ANP32B: variants seen among roughly 807,000 people sequenced by gnomAD.
The protein encoded by ANP32B is acidic leucine-rich nuclear phosphoprotein 32 family member B.
In ANP32B, 6 loss-of-function variants were observed where a neutral mutation model predicts 32.2. The ratio of observed to expected loss-of-function variants is 0.19; its 90% CI spans 0.10 to 0.37. ANP32B has a LOEUF of 0.37. ANP32B is among the 10% of genes least tolerant of loss of function. The probability of loss-of-function intolerance (pLI) is 1.00; values close to 1 mark genes in which losing one functional copy is unlikely to be tolerated. For missense variants in ANP32B, 204 were observed against 289.2 expected, an observed-to-expected ratio of 0.71 and a Z score of 2.14; for synonymous variants, 98 against 105.8, an observed-to-expected ratio of 0.93 and a Z score of 0.45.
At chr9:98,007,800 C>T (rs370449942) in intron 4 of ANP32B, among the ~76,000 whole-genome samples, 1 of 152,250 alleles carries the variant, frequency 6.6e-6, no homozygotes, top group African/African-American at 2.4e-5. Flanking sequence ...AAATTAACCA[C>T]ATTAAAGTAC....
chr9:98,008,167 CTCCATGTG>C (rs1405848339), intron 4 of ANP32B, among the ~76,000 whole-genome samples: 1 of 152,160 alleles, frequency 6.6e-6, no homozygotes, highest in Non-Finnish European at 1.5e-5. Context: ...TGTTGTTCCC[CTCCATGTG>C]TCCATGTATA....
intron 1 of ANP32B, among the ~76,000 whole-genome samples, chr9:97,990,813 C>T (rs1454339526): frequency 7.3e-6 from 1 of 136,688 alleles, no homozygotes; most frequent in Non-Finnish European, 1.6e-5. Flanking sequence ...TACAGTTGAA[C>T]CTTTTTTTTT....
At chr9:97,993,006 G>GC (rs1827853521) in intron 1 of ANP32B, among the ~76,000 whole-genome samples, 1 of 152,098 alleles carries the variant, frequency 6.6e-6, no homozygotes, top group Non-Finnish European at 1.5e-5. Flanking sequence ...TCAACCCCCG[G>GC]CATATGTCTC....
chr9:97,984,993 G>T (rs1827688468), intron 1 of ANP32B, among the ~76,000 whole-genome samples: 1 of 150,940 alleles, frequency 6.6e-6, no homozygotes, highest in South Asian at 2.1e-4. Context: ...GCGCGGCTGC[G>T]TGGGCGTGGG....
Position 97,985,916 on chromosome 9 carries a change from G to T in ANP32B, c.54+2307G>T, listed in dbSNP as rs1018842214. 4.6e-5 allele frequency among the ~76,000 whole-genome samples: 7 copies of T among 152,172 alleles called. No individual in the cohort carries two copies. The South Asian group carries it at 6.2e-4, about 14-fold the overall frequency. ...GGCTCACCTCAGCCTCCGCTTACCGGGTTCAAGCGATTCTCCTGCCTCAAC... is the reference window on the plus strand; with the variant it reads ...GGCTCACCTCAGCCTCCGCTTACCGTGTTCAAGCGATTCTCCTGCCTCAAC... On this transcript the variant is annotated intron_variant, in intron 1 of 6. Coordinates refer to ENST00000339399, the MANE Select transcript of ANP32B (RefSeq NM_006401.3).
In ANP32B at chr9:98,011,387, G is replaced by A; in HGVS notation, c.634G>A (p.Glu212Lys). Reference sequence around the variant, plus strand: ...TGAGGACGACGATGAAGTCAGTGAGGAGGTCAGTGCAGCTGTTTTCTACCC... The same window carrying A: ...TGAGGACGACGATGAAGTCAGTGAGAAGGTCAGTGCAGCTGTTTTCTACCC... ...GDEDDDEVSE[E>K]EEEFGLDEED... Residue 212 changes from glutamate to lysine, a missense_variant and splice_region_variant, in exon 5 of 7, where the codon GAG becomes AAG. By Grantham distance (56) the Glu-to-Lys change is moderately conservative. Coordinates refer to ENST00000339399, the MANE Select transcript of ANP32B (RefSeq NM_006401.3). 1.3e-6 allele frequency: 2 copies of A among 1,587,934 alleles called. No individual in the cohort carries two copies. Among genetic ancestry groups the A allele is most frequent in the Non-Finnish European group, 1.7e-6 (2 of 1,163,744 alleles).
chr9:97,983,460 CCCTT>C lies in ANP32B; in HGVS notation c.-93_-90del. The stretch of plus-strand genomic sequence containing the variant: ...GCCGCCGGCCTCCGCCGCTAGCAAA[CCCTT>C]CCGACGGCCCTCGCTGCGCAAGCCG... On this transcript the variant is annotated 5_prime_UTR_variant, in exon 1 of 7. Transcript: ENST00000339399. The C allele has an allele frequency of 2.5e-6, 3 of 1,187,098 alleles. No individual in the cohort carries two copies. The highest frequency in any genetic ancestry group is 3.6e-6 in the Non-Finnish European group (3 of 832,992). The allele number at this position is 1,187,098 out of a possible 1,614,324, so 73.5% of individuals were successfully genotyped here. A position where few individuals can be genotyped will look rare whatever the true frequency, so the allele number is the denominator to read the frequency against.
intron 4 of ANP32B, among the ~76,000 whole-genome samples, chr9:98,005,914 G>A (rs547512849): frequency 1.3e-5 from 2 of 152,188 alleles, no homozygotes; most frequent in Non-Finnish European, 2.9e-5. Flanking sequence ...CAGTGAGGAA[G>A]CCTCATCTGT....
At chr9:98,006,372 C>T (rs1377265841) in intron 4 of ANP32B, among the ~76,000 whole-genome samples, 1 of 152,086 alleles carries the variant, frequency 6.6e-6, no homozygotes, top group Admixed American at 6.6e-5. Context: ...CAGTGCATGG[C>T]CTGCCCATTT....
chr9:97,984,619 G>C (rs1217725141), intron 1 of ANP32B: 3 of 150,878 alleles, frequency 2.0e-5, no homozygotes, highest in African/African-American at 7.3e-5. Context: ...CTGGTGAGCC[G>C]GCCCACGAGC....
intron 3 of ANP32B, among the ~76,000 whole-genome samples, chr9:98,001,609 C>T (rs774167457): frequency 1.3e-5 from 2 of 152,118 alleles, no homozygotes; most frequent in Admixed American, 6.5e-5. Flanking sequence ...TATCAGAAGC[C>T]TTTTTCAGTG....
chr9:98,006,558 A>G (rs192514795), intron 4 of ANP32B, among the ~76,000 whole-genome samples: 5 of 152,238 alleles, frequency 3.3e-5, no homozygotes, highest in Non-Finnish European at 5.9e-5. Context: ...ACTGCCAATG[A>G]AAAGAAAGCT....
chr9:97,990,587 C>G (rs1245368432), intron 1 of ANP32B, among the ~76,000 whole-genome samples: 1 of 152,124 alleles, frequency 6.6e-6, no homozygotes. Context: ...TCTGCCTAGC[C>G]CAACAACTCT....
chr9:98,005,723 C>T (rs984936714), intron 4 of ANP32B, among the ~76,000 whole-genome samples: 9 of 152,232 alleles, frequency 5.9e-5, no homozygotes, highest in African/African-American at 1.7e-4. Flanking sequence ...GAACCTGGCC[C>T]GGGAAGCATT....
intron 3 of ANP32B, among the ~76,000 whole-genome samples, chr9:98,000,482 T>C (rs934087290): frequency 2.6e-5 from 4 of 152,172 alleles, no homozygotes; most frequent in Admixed American, 6.5e-5. Context: ...TTACTGACTT[T>C]TGCTGCATCC....
At chr9:97,993,866 C>G (rs189946109) in intron 1 of ANP32B, among the ~76,000 whole-genome samples, 1 of 152,328 alleles carries the variant, frequency 6.6e-6, no homozygotes, top group Non-Finnish European at 1.5e-5. Context: ...CCCCAGACCT[C>G]AGGTGATCTG....
chr9:97,985,926 A>G (rs1827723849), intron 1 of ANP32B, among the ~76,000 whole-genome samples: 1 of 152,080 alleles, frequency 6.6e-6, no homozygotes, highest in African/African-American at 2.4e-5. Context: ...GGTTCAAGCG[A>G]TTCTCCTGCC....
intron 1 of ANP32B, among the ~76,000 whole-genome samples, chr9:97,991,883 CTG>C (rs1827830098): frequency 6.6e-6 from 1 of 152,218 alleles, no homozygotes; most frequent in Non-Finnish European, 1.5e-5. Context: ...AAAAAATACT[CTG>C]TGATCAGAAA....
At chr9:98,001,281 T>C (rs1165574177) in intron 3 of ANP32B, among the ~76,000 whole-genome samples, 2 of 151,596 alleles carry the variant, frequency 1.3e-5, no homozygotes, top group African/African-American at 2.4e-5. Context: ...AAGCTCCGCC[T>C]TCTGGGTTCA....
Sources: gnomAD v4.1 joint callset for allele counts (sites outside exome capture counted in the v4.1 genomes callset) on GRCh38, gnomAD v4.1.1 for gene constraint, MANE v1.5 for transcripts, NCBI Gene and HGNC (gene_info 2026-07-23, HGNC 2026-07-21) for gene names.